The following CHRAC1 variants were observed in gnomAD, a reference collection of about 807,000 sequenced individuals.
CHRAC1 encodes the protein chromatin accessibility complex protein 1.
CHRAC1 carries 6 observed loss-of-function variants against 9.1 expected under a neutral mutation model. The observed-to-expected ratio is 0.66, with a 90% confidence interval of 0.36 to 1.29. The LOEUF (loss-of-function observed/expected upper bound fraction) is 1.29. CHRAC1 is among the 50% of genes most tolerant of loss of function. The pLI is 0.03. For missense variants in CHRAC1, 168 were observed against 163.5 expected, an observed-to-expected ratio of 1.03 and a Z score of -0.15; for synonymous variants, 73 against 64.5, an observed-to-expected ratio of 1.13 and a Z score of -0.63.
intron 1 of CHRAC1, chr8:140,512,135 T>C: frequency 1.5e-6 from 1 of 685,902 alleles, no homozygotes; most frequent in Non-Finnish European, 2.1e-6. Flanking sequence ...CGTCGGCGCC[T>C]AGTGGCGCTC....
intron 2 of CHRAC1, 88 bp downstream of exon 2, chr8:140,514,583 G>A: frequency 8.4e-7 from 1 of 1,187,318 alleles, no homozygotes; most frequent in African/African-American, 1.6e-5. Flanking sequence ...TGCTCTCACG[G>A]AAAATTAGAC....
intron 1 of CHRAC1, among the ~76,000 whole-genome samples, chr8:140,513,186 C>T (rs924137980): frequency 1.3e-5 from 2 of 152,192 alleles, no homozygotes; most frequent in African/African-American, 4.8e-5. Context: ...TCAGTTCAGC[C>T]TCTGTAAAAA....
intron 1 of CHRAC1, among the ~76,000 whole-genome samples, chr8:140,513,329 C>T (rs1015045794): frequency 1.3e-5 from 2 of 152,216 alleles, no homozygotes; most frequent in African/African-American, 2.4e-5. Flanking sequence ...GCTGTGGTCA[C>T]TATAGTTGTA....
chr8:140,512,056 C>T (rs954603152), intron 1 of CHRAC1: 3 of 1,277,562 alleles, frequency 2.3e-6, no homozygotes, highest in Non-Finnish European at 2.0e-6. Flanking sequence ...GCGCGCCTTT[C>T]GTCCCTCCCA....
At position 140,515,152 on chromosome 8, in the gene CHRAC1, A is replaced by T. The variant is rs1349972200; in HGVS notation, c.301A>T (p.Ser101Cys). 1 of 1,611,246 alleles carries T rather than the reference A, an allele frequency of 6.2e-7. No individual in the cohort carries two copies. The highest frequency in any genetic ancestry group is 2.2e-5 in the East Asian group (1 of 44,870). ...TATATTACCAAAGAAGATTTTAGCT[A>T]GTAAATACCTGAAAATGCTTAAAGA... ...ADILPKKILA[S>C]KYLKMLKEEK... The change falls in exon 3 of 3, where the codon AGT (serine) becomes TGT (cysteine). Residue 101 changes from serine (S) to cysteine (C), a missense_variant. Ser to Cys is a moderately radical substitution (Grantham distance 112). Transcript: ENST00000220913.
In CHRAC1 at chr8:140,517,041, CTT is replaced by C. The variant is rs2072346295; in HGVS notation, c.*1795_*1796del. 1 of 152,132 alleles carries C rather than the reference CTT, an allele frequency of 6.6e-6. No homozygotes were observed. The highest frequency in any genetic ancestry group is 2.4e-5 in the African/African-American group (1 of 41,420). The allele number at this position is 152,132 out of a possible 1,614,324, so 9.4% of individuals were successfully genotyped here. A position where few individuals can be genotyped will look rare whatever the true frequency, so the allele number is the denominator to read the frequency against. On this transcript the variant is annotated 3_prime_UTR_variant, in exon 3 of 3. Coordinates refer to ENST00000220913, the MANE Select transcript of CHRAC1 (RefSeq NM_017444.6). ...AGAGCTTTATTTCTGCAAACTGAAACTTGAGTTTTGTGTAATTTTCATGTGTC... is the reference window on the plus strand; with the variant it reads ...AGAGCTTTATTTCTGCAAACTGAAACGAGTTTTGTGTAATTTTCATGTGTC...
chr8:140,517,086 C>T lies in CHRAC1; in HGVS notation c.*1839C>T, dbSNP rs2072347009. 1 of 152,142 alleles carries T rather than the reference C, an allele frequency of 6.6e-6. No homozygotes were observed. Among genetic ancestry groups the T allele is most frequent in the Admixed American group, 6.5e-5 (1 of 15,280 alleles). The allele number at this position is 152,142 out of a possible 1,614,324, so 9.4% of individuals were successfully genotyped here. A position where few individuals can be genotyped will look rare whatever the true frequency, so the allele number is the denominator to read the frequency against. On this transcript the variant is annotated 3_prime_UTR_variant, in exon 3 of 3. Coordinates refer to ENST00000220913, the MANE Select transcript of CHRAC1 (RefSeq NM_017444.6). ...CATGTGTCATGAAATACTGTTTTCTCCAACCATTTAATAATGTAAATACTT... is the reference window on the plus strand; with the variant it reads ...CATGTGTCATGAAATACTGTTTTCTTCAACCATTTAATAATGTAAATACTT...
Position 140,514,410 on chromosome 8 carries a change from C to T in CHRAC1, c.189C>T (p.His63=), listed in dbSNP as rs2072313008. Residue 63 remains histidine, a synonymous_variant, in exon 2 of 3, where the codon CAC becomes CAT. Coordinates refer to ENST00000220913, the MANE Select transcript of CHRAC1 (RefSeq NM_017444.6). ...VQCLATYSYR[H]GSGKEKKVLT... is the part of the protein sequence containing the mutation. ...GCCTAGCCACCTATTCCTACAGACACGGCAGTGGAAAGGAAAAGAAAGTAC... is the reference window on the plus strand; with the variant it reads ...GCCTAGCCACCTATTCCTACAGACATGGCAGTGGAAAGGAAAAGAAAGTAC... The T allele has an allele frequency of 2.5e-6, 4 of 1,587,250 alleles. No homozygotes were observed. Among genetic ancestry groups the T allele is most frequent in the South Asian group, 2.3e-5 (2 of 85,366 alleles).
intron 1 of CHRAC1, chr8:140,512,073 C>T (rs1275633362): frequency 5.7e-6 from 7 of 1,235,532 alleles, no homozygotes; most frequent in Admixed American, 2.3e-5. Context: ...CCCACCTGTG[C>T]GCTCACGTCC....
At position 140,514,403 on chromosome 8, in the gene CHRAC1, A is replaced by G. The variant is rs376263263; in HGVS notation, c.182A>G (p.Tyr61Cys). Residue 61 changes from tyrosine (Y) to cysteine (C), a missense_variant, in exon 2 of 3, where the codon TAC (tyrosine) becomes TGC (cysteine). Transcript: ENST00000220913. ...LFVQCLATYSYRHGSGKEKKV... is the reference protein window; with the variant it reads ...LFVQCLATYSCRHGSGKEKKV... Reference sequence around the variant, plus strand: ...GTTCAATGCCTAGCCACCTATTCCTACAGACACGGCAGTGGAAAGGAAAAG... The same window carrying G: ...GTTCAATGCCTAGCCACCTATTCCTGCAGACACGGCAGTGGAAAGGAAAAG... The G allele has an allele frequency of 2.5e-5, 40 of 1,591,156 alleles. No homozygotes were observed. The highest frequency in any genetic ancestry group is 1.9e-5 in the Admixed American group (1 of 52,740).
rs1028215739 is a variant in CHRAC1, at chr8:140,515,250, C to T, written c.*3C>T. The T allele has an allele frequency of 6.2e-7, 1 of 1,613,212 alleles. No individual in the cohort carries two copies. The highest frequency in any genetic ancestry group is 1.7e-5 in the Admixed American group (1 of 59,866). On this transcript the variant is annotated 3_prime_UTR_variant, in exon 3 of 3. Transcript: ENST00000220913. ...ACCATGATGAAGCTGACTCCTAAAC[C>T]AAAAGTGCTTTAAAAACCAGCCTGG... is the stretch of plus-strand genomic sequence containing the variant.
At chr8:140,511,891 C>T (rs1401497778) in intron 1 of CHRAC1, 5 of 908,354 alleles carry the variant, frequency 5.5e-6, no homozygotes, top group African/African-American at 1.7e-5. Flanking sequence ...GTTTCTTCGC[C>T]TCGCCTACCG....
chr8:140,513,091 T>C (rs2072297102), intron 1 of CHRAC1, among the ~76,000 whole-genome samples: 1 of 152,240 alleles, frequency 6.6e-6, no homozygotes, highest in South Asian at 2.1e-4. Flanking sequence ...GTGCTGGGAT[T>C]ACAGGCGTGA....
At position 140,516,517 on chromosome 8, in the gene CHRAC1, T is replaced by C. The variant is rs942926357; in HGVS notation, c.*1270T>C. 5 of 152,222 alleles carry C rather than the reference T, an allele frequency of 3.3e-5. No homozygotes were observed. Among genetic ancestry groups the C allele is most frequent in the Non-Finnish European group, 1.5e-5 (1 of 68,038 alleles). 9.4% of individuals were successfully genotyped at this position (152,222 alleles called of 1,614,324 possible). A position where few individuals can be genotyped will look rare whatever the true frequency, so the allele number is the denominator to read the frequency against. ...CATTCAGTAAAATCACCCTTTTTAG[T>C]GTCTAGTCTGTGAATTTTGACAAAT... On this transcript the variant is annotated 3_prime_UTR_variant, in exon 3 of 3. Transcript: ENST00000220913.
chr8:140,517,094 TTAA>T lies in CHRAC1; in HGVS notation c.*1852_*1854del, dbSNP rs1231425666. ...ATGAAATACTGTTTTCTCCAACCAT[TTAA>T]TAATGTAAATACTTGCTAGCTTATG... On this transcript the variant is annotated 3_prime_UTR_variant, in exon 3 of 3. Transcript: ENST00000220913. 6.6e-6 allele frequency: 1 copy of T among 152,242 alleles called. No individual in the cohort carries two copies. The highest frequency in any genetic ancestry group is 1.5e-5 in the Non-Finnish European group (1 of 68,042). The allele number at this position is 152,242 out of a possible 1,614,324, so 9.4% of individuals were successfully genotyped here. A position where few individuals can be genotyped will look rare whatever the true frequency, so the allele number is the denominator to read the frequency against.
intron 1 of CHRAC1, among the ~76,000 whole-genome samples, chr8:140,512,537 T>G (rs190367089): frequency 6.6e-6 from 1 of 152,370 alleles, no homozygotes; most frequent in East Asian, 1.9e-4. Context: ...GTTTTCCTGT[T>G]CTGACACTGG....
intron 1 of CHRAC1, among the ~76,000 whole-genome samples, chr8:140,512,816 A>T (rs371931291): frequency 2.6e-4 from 40 of 152,198 alleles, no homozygotes; most frequent in Non-Finnish European, 4.9e-4. Flanking sequence ...GGATTTATGC[A>T]GGCACTTCTG....
Position 140,514,415 on chromosome 8 carries a change from G to A in CHRAC1, c.194G>A (p.Ser65Asn). Residue 65 changes from serine to asparagine, a missense_variant, in exon 2 of 3, where the codon AGT (serine) becomes AAT (asparagine). By Grantham distance (46) the Ser-to-Asn change is conservative. Coordinates refer to ENST00000220913, the MANE Select transcript of CHRAC1 (RefSeq NM_017444.6). ...CLATYSYRHGSGKEKKVLTYS... is the reference protein window; with the variant it reads ...CLATYSYRHGNGKEKKVLTYS... ...GCCACCTATTCCTACAGACACGGCA[G>A]TGGAAAGGAAAAGAAAGTACTGACT... 6.3e-7 allele frequency: 1 copy of A among 1,587,376 alleles called. No homozygotes were observed. Among genetic ancestry groups the A allele is most frequent in the Non-Finnish European group, 8.5e-7 (1 of 1,172,406 alleles).
In CHRAC1 at chr8:140,515,262, A is replaced by C; in HGVS notation, c.*15A>C. On this transcript the variant is annotated 3_prime_UTR_variant, in exon 3 of 3. Transcript: ENST00000220913. The stretch of plus-strand genomic sequence containing the variant: ...CTGACTCCTAAACCAAAAGTGCTTT[A>C]AAAACCAGCCTGGCGAGGACAGCCC... The C allele has an allele frequency of 6.2e-7, 1 of 1,612,936 alleles. No homozygotes were observed. The highest frequency in any genetic ancestry group is 1.1e-5 in the South Asian group (1 of 90,954).
Sources: gnomAD v4.1 joint callset for allele counts (sites outside exome capture counted in the v4.1 genomes callset) on GRCh38, gnomAD v4.1.1 for gene constraint, MANE v1.5 for transcripts, NCBI Gene and HGNC (gene_info 2026-07-23, HGNC 2026-07-21) for gene names.